Variants in MLH3 observed in about 807,000 individuals in gnomAD.
MLH3 encodes the protein mutL homolog 3, also known as DNA mismatch repair protein Mlh3.
MLH3 carries 82 observed loss-of-function variants against 122.2 expected under a neutral mutation model. The observed-to-expected ratio is 0.67, with a 90% CI of 0.56 to 0.81. MLH3 has a LOEUF of 0.81. Among genes scored for constraint, MLH3 ranks in the 30% least tolerant of loss-of-function variants. The pLI, the probability that MLH3 is intolerant of heterozygous loss-of-function variation, is 0.00. For synonymous variants in MLH3, 524 were observed against 599.5 expected (o/e 0.87, Z 1.84); for missense variants, 1,539 against 1,714.5 (o/e 0.90, Z 1.81).
At chr14:75,040,253 T>C (rs1424096916) in intron 4 of MLH3, among the ~76,000 whole-genome samples, 1 of 151,078 alleles carries the variant, frequency 6.6e-6, no homozygotes, top group Non-Finnish European at 1.5e-5. Context: ...ATCGAGACCA[T>C]CCTGGCTAAC....
intron 9 of MLH3, among the ~76,000 whole-genome samples, chr14:75,023,876 T>TG (rs1474281714): frequency 2.6e-5 from 4 of 152,260 alleles, no homozygotes; most frequent in Non-Finnish European, 4.4e-5. Context: ...CCTTCATCTA[T>TG]ACTCTAGTCT....
chr14:75,038,232 C>T (rs1891553199), intron 6 of MLH3, 108 bp downstream of exon 6: 3 of 825,510 alleles, frequency 3.6e-6, no homozygotes, highest in Non-Finnish European at 6.2e-6. Context: ...TTGGCTTTCC[C>T]TAATCCATCC....
chr14:75,036,903 ATTC>A (rs1259013604), intron 6 of MLH3, among the ~76,000 whole-genome samples: 1 of 152,180 alleles, frequency 6.6e-6, no homozygotes, highest in Non-Finnish European at 1.5e-5. Flanking sequence ...ATATTGCAAT[ATTC>A]TTTTAACAGT....
intron 9 of MLH3, among the ~76,000 whole-genome samples, chr14:75,026,769 G>A (rs1474251649): frequency 6.6e-6 from 1 of 152,218 alleles, no homozygotes; most frequent in Non-Finnish European, 1.5e-5. Context: ...TACCTACAGA[G>A]TAATAATTGG....
chr14:75,049,392 C>A lies in MLH3; in HGVS notation c.264G>T (p.Arg88Ser), dbSNP rs931460739. The change falls in exon 2 of 13, where the codon AGG becomes AGT. Residue 88 changes from arginine to serine, a missense_variant. Transcript: ENST00000355774. Reference sequence around the variant, plus strand: ...AGGCCTCTCCTCGGAAACCATAAAACCTTGGATTCTCCAAGTCCTGTACCG... The same window carrying A: ...AGGCCTCTCCTCGGAAACCATAAAAACTTGGATTCTCCAAGTCCTGTACCG... ...CHSVQDLENP[R>S]FYGFRGEALA... 1 of 1,614,022 alleles carries A rather than the reference C, an allele frequency of 6.2e-7. No homozygotes were observed. Among genetic ancestry groups the A allele is most frequent in the Non-Finnish European group, 8.5e-7 (1 of 1,180,032 alleles).
At chr14:75,039,779 C>T in intron 5 of MLH3, 132 bp downstream of exon 5, 1 of 278,666 alleles carries the variant, frequency 3.6e-6, no homozygotes, top group Non-Finnish European at 6.4e-6. Context: ...CACACACACA[C>T]ACACACACGT....
intron 9 of MLH3, among the ~76,000 whole-genome samples, chr14:75,027,664 T>TAAAAAAAAAAAAAAAAAAA (rs56986784): frequency 3.2e-5 from 1 of 30,920 alleles, no homozygotes. Context: ...TTTACTTCAG[T>TAAAAAAAAAAAAAAAAAAA]AAAAAAAAAA....
At chr14:75,035,016 T>C (rs562171690) in intron 6 of MLH3, among the ~76,000 whole-genome samples, 7 of 131,314 alleles carry the variant, frequency 5.3e-5, no homozygotes, top group Admixed American at 9.7e-5. Flanking sequence ...TGAGCCGAGA[T>C]TGCACCACTG....
intron 6 of MLH3, among the ~76,000 whole-genome samples, chr14:75,037,382 TTGTG>T (rs1398832371): frequency 6.6e-6 from 1 of 152,206 alleles, no homozygotes; most frequent in African/African-American, 2.4e-5. Flanking sequence ...AATTTTATGT[TTGTG>T]TAATTATTTT....
chr14:75,039,846 CATATATATATATATATAT>C lies in MLH3; in HGVS notation c.3570+47_3570+64del, dbSNP rs145063005. The C allele has an allele frequency of 0.098, 28,410 of 291,304 alleles. 21 individuals carry two copies. Among genetic ancestry groups the C allele is most frequent in the Middle Eastern group, 0.15 (206 of 1,414 alleles). The allele number at this position is 291,304 out of a possible 1,614,324, so 18.0% of individuals were successfully genotyped here. ...AAATCAAATTTTAGAAGAGTTAGGCCATATATATATATATATATATATATATATATATATATTTATGAG... is the reference window on the plus strand; with the variant it reads ...AAATCAAATTTTAGAAGAGTTAGGCCATATATATATATATATATTTATGAG... On this transcript the variant is annotated intron_variant, in intron 5 of 12. Coordinates refer to ENST00000355774, the MANE Select transcript of MLH3 (RefSeq NM_001040108.2).
intron 1 of MLH3, among the ~76,000 whole-genome samples, chr14:75,050,545 G>C (rs889044866): frequency 2.6e-5 from 4 of 152,006 alleles, no homozygotes; most frequent in Admixed American, 2.0e-4. Context: ...GATTACAGGC[G>C]CTCGCCACCA....
At chr14:75,046,008 G>C (rs975184222) in intron 2 of MLH3, among the ~76,000 whole-genome samples, 34 of 152,032 alleles carry the variant, frequency 2.2e-4, no homozygotes, top group African/African-American at 8.0e-4. Context: ...GTGAAATCCT[G>C]TCTCTACTGA....
At position 75,018,891 on chromosome 14, in the gene MLH3, C is replaced by T. The variant is rs138006166; in HGVS notation, c.4180G>A (p.Ala1394Thr). The T allele has an allele frequency of 3.1e-4, 503 of 1,614,032 alleles. No homozygotes were observed. The highest frequency in any genetic ancestry group is 4.1e-4 in the Non-Finnish European group (481 of 1,180,034). Residue 1394 changes from alanine (A) to threonine (T), a missense_variant, in exon 12 of 13, where the codon GCT becomes ACT. Ala to Thr is a moderately conservative substitution (Grantham distance 58). Coordinates refer to ENST00000355774, the MANE Select transcript of MLH3 (RefSeq NM_001040108.2). The stretch of plus-strand genomic sequence containing the variant: ...GGCAGCATAGAAGGTCTCCCGTGAG[C>T]ACACTGGAATGGCAGCTGGCATGAG... ...LSSCQLPFQC[A>T]HGRPSMLPLA... is the part of the protein sequence containing the mutation.
At position 75,016,098 on chromosome 14, in the gene MLH3, G is replaced by A; in HGVS notation, c.*984C>T. The A allele has an allele frequency of 4.4e-6, 1 of 225,824 alleles. No individual in the cohort carries two copies. The highest frequency in any genetic ancestry group is 1.3e-3 in the Middle Eastern group (1 of 760). 14.0% of individuals were successfully genotyped at this position (225,824 alleles called of 1,614,324 possible). A position where few individuals can be genotyped will look rare whatever the true frequency, so the allele number is the denominator to read the frequency against. ...AAAAGGTGCGGGAAAAATAGATTGAGAATGGCATAACAAGCATTTGCAGAA... is the reference window on the plus strand; with the variant it reads ...AAAAGGTGCGGGAAAAATAGATTGAAAATGGCATAACAAGCATTTGCAGAA... On this transcript the variant is annotated 3_prime_UTR_variant, in exon 13 of 13. Coordinates refer to ENST00000355774, the MANE Select transcript of MLH3 (RefSeq NM_001040108.2).
At position 75,047,432 on chromosome 14, in the gene MLH3, G is replaced by A. The variant is rs774817891; in HGVS notation, c.2224C>T (p.Arg742Cys). ...TGTGAACTCAAGCTTAGCTTCTTAC[G>A]GACGATTGGTTTGGAGAAACCAATT... is the stretch of plus-strand genomic sequence containing the variant. ...KLIGFSKPIV[R>C]KKLSLSSQLG... Residue 742 changes from arginine (R) to cysteine (C), a missense_variant, in exon 2 of 13, where the codon CGT (arginine) becomes TGT (cysteine). Physicochemically the swap from Arg to Cys is radical, Grantham distance 180. Transcript: ENST00000355774. The A allele has an allele frequency of 5.0e-5, 81 of 1,613,780 alleles. No homozygotes were observed. Among genetic ancestry groups the A allele is most frequent in the Admixed American group, 1.3e-4 (8 of 59,982 alleles).
At chr14:75,022,010 C>T (rs1019223282) in intron 11 of MLH3, among the ~76,000 whole-genome samples, 4 of 152,004 alleles carry the variant, frequency 2.6e-5, no homozygotes, top group Admixed American at 6.6e-5. Context: ...TAAAAAAGAA[C>T]GAGATCACAT....
Position 75,018,955 on chromosome 14 carries a change from C to G in MLH3, c.4116G>C (p.Leu1372=), listed in dbSNP as rs1890085479. ...TAAGGCGGCAACTTTCCTGTAAGCT[C>G]AGGCCATCATTAAACTTAATGGCCC... is the stretch of plus-strand genomic sequence containing the variant. ...CHGAIKFNDG[L]SLQESCRLIE... Residue 1372 remains leucine, a synonymous_variant, in exon 12 of 13, where the codon CTG becomes CTC. Transcript: ENST00000355774. 1 of 1,614,110 alleles carries G rather than the reference C, an allele frequency of 6.2e-7. No individual in the cohort carries two copies. Among genetic ancestry groups the G allele is most frequent in the Non-Finnish European group, 8.5e-7 (1 of 1,180,008 alleles).
At position 75,042,398 on chromosome 14, in the gene MLH3, C is replaced by A. The variant is rs1566597623; in HGVS notation, c.3360G>T (p.Val1120=). 1.2e-6 allele frequency: 2 copies of A among 1,614,156 alleles called. No individual in the cohort carries two copies. Among genetic ancestry groups the A allele is most frequent in the Middle Eastern group, 3.3e-4 (2 of 6,062 alleles). Reference sequence around the variant, plus strand: ...CCTTACCTCTGTTATCCTGTCTCATCACAGTCCTCTCTGCTCGAGCTCTCG... The same window carrying A: ...CCTTACCTCTGTTATCCTGTCTCATAACAGTCCTCTCTGCTCGAGCTCTCG... The part of the protein sequence containing the change: ...FLPRARAERT[V]MRQDNRDTVD... Residue 1120 remains valine, a synonymous_variant, in exon 3 of 13, where the codon GTG becomes GTT. Transcript: ENST00000355774.
Position 75,040,024 on chromosome 14 carries a change from A to G in MLH3, c.3466-9T>C. 6.9e-7 allele frequency: 1 copy of G among 1,445,284 alleles called. No homozygotes were observed. The highest frequency in any genetic ancestry group is 9.7e-7 in the Non-Finnish European group (1 of 1,029,536). The allele number at this position is 1,445,284 out of a possible 1,614,324, so 89.5% of individuals were successfully genotyped here. A position where few individuals can be genotyped will look rare whatever the true frequency, so the allele number is the denominator to read the frequency against. The stretch of plus-strand genomic sequence containing the variant: ...CTTACATCAACAGCAACCTAGAAAG[A>G]CTCAGCAAAATATAATTGAAATTTT... On this transcript the variant is annotated splice_polypyrimidine_tract_variant and intron_variant, in intron 4 of 12. Coordinates refer to ENST00000355774, the MANE Select transcript of MLH3 (RefSeq NM_001040108.2).
Sources: gnomAD v4.1 joint callset for allele counts (sites outside exome capture counted in the v4.1 genomes callset) on GRCh38, gnomAD v4.1.1 for gene constraint, MANE v1.5 for transcripts, NCBI Gene and HGNC (gene_info 2026-07-23, HGNC 2026-07-21) for gene names.